The following KCNU1 variants were observed in gnomAD, a reference collection of about 807,000 sequenced individuals.
KCNU1 encodes potassium calcium-activated channel subfamily U member 1.
A neutral mutation model predicts 126.8 loss-of-function variants in KCNU1; 93 were observed. That is an observed-to-expected ratio of 0.73 (90% CI 0.62 to 0.87). KCNU1 has a LOEUF of 0.87. KCNU1 is among the 40% of genes least tolerant of loss of function. The pLI, the probability that KCNU1 is intolerant of heterozygous loss-of-function variation, is 0.00. For synonymous variants in KCNU1, 523 were observed against 494.2 expected (o/e 1.06, Z -0.77); for missense variants, 1,330 against 1,367.1 (o/e 0.97, Z 0.43).
At chr8:36,851,373 TTCTC>T (rs767473600) in intron 18 of KCNU1, among the ~76,000 whole-genome samples, 3 of 140,276 alleles carry the variant, frequency 2.1e-5, no homozygotes, top group Admixed American at 7.1e-5. Context: ...GGCACTTCCC[TTCTC>T]TCTCTCTCTA....
intron 21 of KCNU1, 101 bp from the exon 22 acceptor site, chr8:36,910,829 A>C: frequency 1.3e-6 from 1 of 779,874 alleles, no homozygotes; most frequent in Non-Finnish European, 2.0e-6. Context: ...TTGGAGCTCA[A>C]AGCTCAAAAA....
chr8:36,895,836 A>G (rs953336792), intron 19 of KCNU1, among the ~76,000 whole-genome samples: 2 of 152,110 alleles, frequency 1.3e-5, no homozygotes, highest in Non-Finnish European at 2.9e-5. Flanking sequence ...AATCTGCAAC[A>G]TAATGACATA....
chr8:36,816,428 T>C (rs1272482101), intron 9 of KCNU1, among the ~76,000 whole-genome samples: 2 of 152,184 alleles, frequency 1.3e-5, no homozygotes, highest in Non-Finnish European at 2.9e-5. Flanking sequence ...GAAAGAGGCA[T>C]AATGGAGATA....
intron 10 of KCNU1, among the ~76,000 whole-genome samples, chr8:36,817,973 T>C (rs1803983280): frequency 6.6e-6 from 1 of 152,242 alleles, no homozygotes. Flanking sequence ...TAGGTACTAA[T>C]ATGATTTAAG....
Position 36,815,725 on chromosome 8 carries a change from A to C in KCNU1, c.995+38A>C, listed in dbSNP as rs763955479. 5.5e-5 allele frequency: 65 copies of C among 1,180,732 alleles called. 1 individual carries two copies. The Admixed American group carries it at 1.3e-3, about 24-fold the overall frequency. The allele number at this position is 1,180,732 out of a possible 1,614,324, so 73.1% of individuals were successfully genotyped here. On this transcript the variant is annotated intron_variant, in intron 9 of 26. Coordinates refer to ENST00000399881, the MANE Select transcript of KCNU1 (RefSeq NM_001031836.3). ...TTAAGTATAATTTCTACAGTTTAAG[A>C]AATTCTATTAGCCATATATCTCGTT... is the stretch of plus-strand genomic sequence containing the variant.
At position 36,935,826 on chromosome 8, in the gene KCNU1, A is replaced by C; in HGVS notation, c.3356A>C (p.Gln1119Pro). The C allele has an allele frequency of 1.2e-6, 2 of 1,611,704 alleles. No homozygotes were observed. Among genetic ancestry groups the C allele is most frequent in the Non-Finnish European group, 1.7e-6 (2 of 1,178,122 alleles). Residue 1119 changes from glutamine (Q) to proline (P), a missense_variant, in exon 27 of 27, where the codon CAG becomes CCG. Gln to Pro is a moderately conservative substitution (Grantham distance 76). Around this residue, in one of 3 missense-constraint regions of KCNU1, gnomAD observed 1,054 missense variants for 1,053.9 expected, o/e 1.00. Transcript: ENST00000399881. ...QSRTNSIISSQIPLGDNAKEN... is the reference protein window; with the variant it reads ...QSRTNSIISSPIPLGDNAKEN... ...AGAACAAACAGTATTATATCATCTCAGATACCTTTAGGTGACAATGCAAAA... is the reference window on the plus strand; with the variant it reads ...AGAACAAACAGTATTATATCATCTCCGATACCTTTAGGTGACAATGCAAAA...
intron 16 of KCNU1, among the ~76,000 whole-genome samples, chr8:36,844,761 T>C (rs1309213378): frequency 1.3e-5 from 2 of 152,150 alleles, no homozygotes; most frequent in Non-Finnish European, 2.9e-5. Flanking sequence ...GAAGGGATGA[T>C]TTTTAAAGGA....
At chr8:36,820,259 G>A (rs1804073967) in intron 10 of KCNU1, among the ~76,000 whole-genome samples, 3 of 152,150 alleles carry the variant, frequency 2.0e-5, no homozygotes, top group African/African-American at 7.2e-5. Context: ...ATAATTTCTA[G>A]GATGGTTTGT....
At chr8:36,811,723 G>C (rs1280181185) in intron 7 of KCNU1, among the ~76,000 whole-genome samples, 1 of 152,042 alleles carries the variant, frequency 6.6e-6, no homozygotes, top group Admixed American at 6.5e-5. Context: ...TTGGAGGTCA[G>C]GGGTTCGAGA....
intron 7 of KCNU1, among the ~76,000 whole-genome samples, chr8:36,813,451 G>A (rs1329352419): frequency 1.3e-5 from 2 of 151,004 alleles, no homozygotes; most frequent in South Asian, 4.2e-4. Context: ...AAAAAACAAA[G>A]AAATAAATAT....
chr8:36,878,876 A>G (rs568795414), intron 19 of KCNU1, among the ~76,000 whole-genome samples: 13 of 147,888 alleles, frequency 8.8e-5, no homozygotes, highest in Non-Finnish European at 1.9e-4. Context: ...TTGTATATGT[A>G]TATAAATATA....
intron 18 of KCNU1, among the ~76,000 whole-genome samples, chr8:36,853,910 T>C (rs1039518173): frequency 6.6e-6 from 1 of 152,216 alleles, no homozygotes; most frequent in Non-Finnish European, 1.5e-5. Context: ...GTTTGTCATA[T>C]GTGAACAAGA....
intron 19 of KCNU1, among the ~76,000 whole-genome samples, chr8:36,903,567 T>C (rs963524753): frequency 2.6e-5 from 4 of 152,168 alleles, no homozygotes; most frequent in African/African-American, 9.7e-5. Context: ...GTAAAAGCTT[T>C]TGTGGTCAGA....
chr8:36,856,716 C>A (rs553093101), intron 18 of KCNU1, among the ~76,000 whole-genome samples: 101 of 152,278 alleles, frequency 6.6e-4, no homozygotes, highest in African/African-American at 2.4e-3. Flanking sequence ...CCTGAGTTAT[C>A]TATTGCTCCA....
Position 36,908,376 on chromosome 8 carries a change from AT to A in KCNU1, c.2107-927del, listed in dbSNP as rs566499151. ...ATTCAAATGTTTGAGATCAAATGAA[AT>A]TTTTTTTATTATACTTTAAGTTCTA... On this transcript the variant is annotated intron_variant, in intron 20 of 26. Transcript: ENST00000399881. Among the ~76,000 whole-genome samples, 918 of 152,054 alleles carry A rather than the reference AT, an allele frequency of 6.0e-3. 14 individuals carry two copies. The highest frequency in any genetic ancestry group is 0.021 in the African/African-American group (873 of 41,500).
At chr8:36,890,454 A>C (rs919244323) in intron 19 of KCNU1, among the ~76,000 whole-genome samples, 2 of 152,044 alleles carry the variant, frequency 1.3e-5, no homozygotes, top group African/African-American at 4.8e-5. Flanking sequence ...AACTTAAATC[A>C]GTTAAAAATA....
intron 19 of KCNU1, among the ~76,000 whole-genome samples, chr8:36,886,045 G>A (rs998299961): frequency 3.9e-5 from 6 of 152,022 alleles, no homozygotes; most frequent in East Asian, 1.9e-4. Context: ...TAATCTTCCC[G>A]TATCCCACAC....
At chr8:36,893,135 T>G (rs574539506) in intron 19 of KCNU1, among the ~76,000 whole-genome samples, 16 of 117,380 alleles carry the variant, frequency 1.4e-4, no homozygotes, top group South Asian at 1.0e-3. Flanking sequence ...CTACTTTTTG[T>G]TTTTTTTTGT....
chr8:36,815,634 G>A lies in KCNU1; in HGVS notation c.942G>A (p.Leu314=). 1 of 1,596,896 alleles carries A rather than the reference G, an allele frequency of 6.3e-7. No individual in the cohort carries two copies. The highest frequency in any genetic ancestry group is 8.5e-7 in the Non-Finnish European group (1 of 1,171,156). The part of the protein sequence containing the change: ...FANYIPEMVE[L]FANKRKYTSS... ...ACTATATACCTGAAATGGTGGAACT[G>A]TTTGCTAACAAGAGGAAATACACCA... Residue 314 remains leucine, a synonymous_variant, in exon 9 of 27, where the codon CTG becomes CTA. Transcript: ENST00000399881.
Sources: allele counts gnomAD v4.1 joint callset (sites outside exome capture counted in the v4.1 genomes callset), GRCh38; gene constraint gnomAD v4.1.1; regional missense constraint gnomAD v4.1.1; transcripts MANE v1.5; gene names NCBI Gene and HGNC (gene_info 2026-07-23, HGNC 2026-07-21).